FARP1: variants seen among roughly 807,000 people sequenced by gnomAD.
FARP1 encodes FERM, ARHGEF and pleckstrin domain-containing protein 1.
FARP1 carries 52 observed loss-of-function variants against 128.8 expected under a neutral mutation model. That is an observed-to-expected ratio of 0.40 (90% CI 0.32 to 0.51). The LOEUF (loss-of-function observed/expected upper bound fraction) is 0.51, where lower values mean the gene tolerates loss of function less well. FARP1 is among the 20% of genes least tolerant of loss of function. The pLI is 0.45. For missense variants in FARP1, 1,333 were observed against 1,367.9 expected (o/e 0.97, Z 0.40); for synonymous variants, 580 against 551.8 (o/e 1.05, Z -0.72).
chr13:98,180,776 G>T (rs1362182032), intron 1 of FARP1, among the ~76,000 whole-genome samples: 1 of 152,164 alleles, frequency 6.6e-6, no homozygotes, highest in Non-Finnish European at 1.5e-5. Flanking sequence ...GGGAATAGGG[G>T]TGAATGCCTG....
chr13:98,305,828 A>C (rs1252277329), intron 2 of FARP1, among the ~76,000 whole-genome samples: 3 of 150,432 alleles, frequency 2.0e-5, no homozygotes, highest in Non-Finnish European at 4.4e-5. Context: ...CTTAAGTTCA[A>C]CTCAAATTTT....
intron 6 of FARP1, among the ~76,000 whole-genome samples, chr13:98,378,929 AATATATAATCT>A (rs1889714243): frequency 2.6e-5 from 3 of 116,992 alleles, no homozygotes; most frequent in African/African-American, 7.1e-5. Flanking sequence ...TAATATATAC[AATATATAATCT>A]ATATATAATA....
Position 98,431,129 on chromosome 13 carries a change from C to G in FARP1, c.1992C>G (p.Phe664Leu), listed in dbSNP as rs764222799. 6.2e-7 allele frequency: 1 copy of G among 1,614,198 alleles called. No individual in the cohort carries two copies. Among genetic ancestry groups the G allele is most frequent in the Non-Finnish European group, 8.5e-7 (1 of 1,180,032 alleles). The change falls in exon 18 of 27, where the codon TTC (phenylalanine) becomes TTG (leucine). Residue 664 changes from phenylalanine (F) to leucine (L), a missense_variant. By Grantham distance (22) the Phe-to-Leu change is conservative. Transcript: ENST00000319562. ...AGAGCTCCCGGCGGCTGGAGAACTTCTGCAGAGACTTTGAGCTGCAGAAGG... is the reference window on the plus strand; with the variant it reads ...AGAGCTCCCGGCGGCTGGAGAACTTGTGCAGAGACTTTGAGCTGCAGAAGG... ...GIKSSRRLEN[F>L]CRDFELQKVC...
intron 2 of FARP1, among the ~76,000 whole-genome samples, chr13:98,282,001 T>C (rs1460491141): frequency 6.6e-6 from 1 of 152,190 alleles, no homozygotes; most frequent in Non-Finnish European, 1.5e-5. Context: ...TACTCCTTAG[T>C]TCCTCATTCA....
intron 11 of FARP1, among the ~76,000 whole-genome samples, chr13:98,392,945 T>C (rs1890369107): frequency 6.6e-6 from 1 of 152,134 alleles, no homozygotes; most frequent in Admixed American, 6.5e-5. Flanking sequence ...TGTGGATCTC[T>C]AGAGCTTTTC....
Position 98,454,073 on chromosome 13 carries a change from A to C in FARP1, c.*5756A>C, listed in dbSNP as rs1426834074. 2.0e-5 allele frequency: 3 copies of C among 152,218 alleles called. No homozygotes were observed. The East Asian group carries it at 5.8e-4, about 29-fold the overall frequency. The allele number at this position is 152,218 out of a possible 1,614,324, so 9.4% of individuals were successfully genotyped here. A position where few individuals can be genotyped will look rare whatever the true frequency, so the allele number is the denominator to read the frequency against. On this transcript the variant is annotated 3_prime_UTR_variant, in exon 27 of 27. Coordinates refer to ENST00000319562, the MANE Select transcript of FARP1 (RefSeq NM_005766.4). ...CTGTATATGTGCACTATATAAGTAT[A>C]TTTACATGAACAACTTCTGTATCCT... is the stretch of plus-strand genomic sequence containing the variant.
chr13:98,165,710 G>GTTTGTTTTTTTT (rs1877205378), intron 1 of FARP1, among the ~76,000 whole-genome samples: 1 of 74,120 alleles, frequency 1.3e-5, no homozygotes, highest in Non-Finnish European at 2.4e-5. Flanking sequence ...TCCAGAAGGG[G>GTTTGTTTTTTTT]TTTTTTTTTT....
chr13:98,164,257 G>T (rs1877088526), intron 1 of FARP1, among the ~76,000 whole-genome samples: 1 of 152,166 alleles, frequency 6.6e-6, no homozygotes, highest in Non-Finnish European at 1.5e-5. Context: ...GGTCCGTTTT[G>T]GGGGCGTGGC....
Position 98,412,017 on chromosome 13 carries a change from G to A in FARP1, c.1809G>A (p.Glu603=), listed in dbSNP as rs765632349. 1.9e-6 allele frequency: 3 copies of A among 1,614,098 alleles called. No individual in the cohort carries two copies. Among genetic ancestry groups the A allele is most frequent in the Non-Finnish European group, 2.5e-6 (3 of 1,179,946 alleles). The part of the protein sequence containing the change: ...KFHTNFLKEI[E]QRLALWEGRS... Reference sequence around the variant, plus strand: ...ATACTAATTTTCTCAAGGAAATTGAGCAACGACTTGCCCTGTGGTGAGTAC... The same window carrying A: ...ATACTAATTTTCTCAAGGAAATTGAACAACGACTTGCCCTGTGGTGAGTAC... The change falls in exon 16 of 27, where the codon GAG becomes GAA. Residue 603 remains glutamate, a synonymous_variant. Coordinates refer to ENST00000319562, the MANE Select transcript of FARP1 (RefSeq NM_005766.4).
chr13:98,273,429 C>G (rs1264754568), intron 2 of FARP1, among the ~76,000 whole-genome samples: 1 of 152,176 alleles, frequency 6.6e-6, no homozygotes, highest in Non-Finnish European at 1.5e-5. Context: ...TGCCTAAACT[C>G]CAAAAGGGAG....
chr13:98,439,785 G>A (rs1471526134), intron 21 of FARP1, among the ~76,000 whole-genome samples, 176 bp from the exon 22 acceptor site: 2 of 152,060 alleles, frequency 1.3e-5, no homozygotes, highest in South Asian at 4.1e-4. Context: ...TCTTCCTGTC[G>A]CCTTTCCGAT....
At chr13:98,309,718 A>G (rs1886366633) in intron 2 of FARP1, among the ~76,000 whole-genome samples, 1 of 152,212 alleles carries the variant, frequency 6.6e-6, no homozygotes, top group African/African-American at 2.4e-5. Flanking sequence ...CAAAAACAGC[A>G]AACGCCGTCA....
In FARP1 at chr13:98,440,058, C is replaced by T. The variant is rs746544035; in HGVS notation, c.2516+15C>T. 8.7e-6 allele frequency: 14 copies of T among 1,608,278 alleles called. No homozygotes were observed. Among genetic ancestry groups the T allele is most frequent in the Admixed American group, 3.3e-5 (2 of 59,912 alleles). On this transcript the variant is annotated intron_variant, in intron 22 of 26. Coordinates refer to ENST00000319562, the MANE Select transcript of FARP1 (RefSeq NM_005766.4). ...GTGGCCGCCAGGTAACTCGGGAGCC[C>T]GCCCCTTGCCTGTTTCCCCTTTGAT...
intron 8 of FARP1, chr13:98,386,018 G>A (rs779448400): frequency 3.6e-6 from 2 of 557,000 alleles, no homozygotes; most frequent in East Asian, 6.1e-5. Context: ...CCCTGTTTGG[G>A]GAATCCACAT....
At chr13:98,285,962 C>T (rs1885146652) in intron 2 of FARP1, among the ~76,000 whole-genome samples, 1 of 152,164 alleles carries the variant, frequency 6.6e-6, no homozygotes, top group African/African-American at 2.4e-5. Context: ...CAGGCCACGT[C>T]TCCCTCTGCA....
chr13:98,411,113 G>A (rs1393889176), intron 15 of FARP1, among the ~76,000 whole-genome samples: 76 of 152,294 alleles, frequency 5.0e-4, no homozygotes, highest in Non-Finnish European at 2.4e-4. Context: ...AGAACATGTC[G>A]TGTTTTGCCC....
At chr13:98,326,441 A>G (rs1887235692) in intron 2 of FARP1, among the ~76,000 whole-genome samples, 1 of 152,176 alleles carries the variant, frequency 6.6e-6, no homozygotes, top group Non-Finnish European at 1.5e-5. Context: ...CTGAAACCCT[A>G]TTCCCACTCA....
At chr13:98,372,753 A>G (rs1049406430) in intron 5 of FARP1, among the ~76,000 whole-genome samples, 3 of 152,246 alleles carry the variant, frequency 2.0e-5, no homozygotes, top group South Asian at 4.2e-4. Context: ...CTCCTGCCAT[A>G]ATCGTTGTCC....
intron 2 of FARP1, among the ~76,000 whole-genome samples, chr13:98,343,412 A>G (rs1258095782): frequency 4.6e-5 from 7 of 152,210 alleles, no homozygotes; most frequent in Non-Finnish European, 1.0e-4. Context: ...TCTACCACCA[A>G]GGTTAATAAC....
Sources: allele counts gnomAD v4.1 joint callset (sites outside exome capture counted in the v4.1 genomes callset), GRCh38; gene constraint gnomAD v4.1.1; transcripts MANE v1.5; gene names NCBI Gene and HGNC (gene_info 2026-07-23, HGNC 2026-07-21).